TPRG1: variants seen among roughly 807,000 people sequenced by gnomAD.
TPRG1 encodes the protein tumor protein p63 regulated 1.
A neutral mutation model predicts 29.3 loss-of-function variants in TPRG1; 29 were observed. The observed-to-expected ratio is 0.99, with a 90% CI of 0.74 to 1.35. TPRG1 has a LOEUF of 1.35. Among genes scored for constraint, TPRG1 ranks in the 40% most tolerant of loss-of-function variants. The pLI, the probability that TPRG1 is intolerant of heterozygous loss-of-function variation, is 0.00. For synonymous variants in TPRG1, 130 were observed against 116.8 expected, an observed-to-expected ratio of 1.11 and a Z score of -0.73; for missense variants, 327 against 335.0, an observed-to-expected ratio of 0.98 and a Z score of 0.19.
intron 4 of TPRG1, among the ~76,000 whole-genome samples, chr3:189,303,693 T>C (rs911811826): frequency 2.0e-5 from 3 of 152,252 alleles, no homozygotes; most frequent in Admixed American, 1.3e-4. Context: ...GTGGTTTCTA[T>C]GTACCTGGCA....
At chr3:189,134,648 C>T (rs1723523824) in intron 3 of TPRG1, among the ~76,000 whole-genome samples, 1 of 152,020 alleles carries the variant, frequency 6.6e-6, no homozygotes, top group Non-Finnish European at 1.5e-5. Flanking sequence ...AACTTCTGGC[C>T]TCAAGCAATC....
intron 4 of TPRG1, among the ~76,000 whole-genome samples, chr3:189,277,289 A>G (rs1576933415): frequency 6.6e-6 from 1 of 152,166 alleles, no homozygotes; most frequent in Admixed American, 6.5e-5. Context: ...TAAAGGAGAC[A>G]CCTTAAACAC....
At chr3:189,288,317 A>G (rs1308863907) in intron 4 of TPRG1, among the ~76,000 whole-genome samples, 1 of 152,222 alleles carries the variant, frequency 6.6e-6, no homozygotes, top group Non-Finnish European at 1.5e-5. Context: ...TTTTTCTGCA[A>G]CGTGTAGTGA....
intron 4 of TPRG1, among the ~76,000 whole-genome samples, chr3:189,059,923 T>C (rs557214028): frequency 6.6e-6 from 1 of 152,226 alleles, no homozygotes; most frequent in South Asian, 2.1e-4. Context: ...TCAATAAAAT[T>C]CAACATTCCT....
intron 4 of TPRG1, among the ~76,000 whole-genome samples, chr3:189,029,937 C>A (rs964019260): frequency 1.3e-5 from 2 of 152,216 alleles, no homozygotes; most frequent in Non-Finnish European, 2.9e-5. Context: ...ATATCAGCAT[C>A]AGCATCATGC....
chr3:189,109,310 G>A (rs1288090262), intron 1 of TPRG1, among the ~76,000 whole-genome samples: 1 of 152,176 alleles, frequency 6.6e-6, no homozygotes, highest in Non-Finnish European at 1.5e-5. Context: ...CGTGTGGTGC[G>A]GTGTTAATTG....
At chr3:189,078,707 T>C (rs1324754253) in intron 4 of TPRG1, among the ~76,000 whole-genome samples, 1 of 152,222 alleles carries the variant, frequency 6.6e-6, no homozygotes, top group Admixed American at 6.5e-5. Flanking sequence ...TAGGAACCCA[T>C]GGCTCTGAAT....
intron 4 of TPRG1, among the ~76,000 whole-genome samples, chr3:189,049,273 A>T (rs1295829735): frequency 6.6e-6 from 1 of 152,156 alleles, no homozygotes; most frequent in Non-Finnish European, 1.5e-5. Context: ...CTCGCCCTCC[A>T]CCTGGAAACA....
intron 4 of TPRG1, among the ~76,000 whole-genome samples, chr3:189,308,098 A>AAT (rs1216103789): frequency 6.6e-6 from 1 of 152,232 alleles, no homozygotes; most frequent in African/African-American, 2.4e-5. Context: ...GAGGTCATGG[A>AAT]ATGTCTCGAT....
intron 4 of TPRG1, among the ~76,000 whole-genome samples, chr3:189,271,617 C>G (rs1715146115): frequency 6.6e-6 from 1 of 152,214 alleles, no homozygotes; most frequent in Admixed American, 6.5e-5. Flanking sequence ...AGAATTTACA[C>G]AAGAACTTCT....
intron 4 of TPRG1, among the ~76,000 whole-genome samples, chr3:189,259,485 T>C (rs954423683): frequency 1.6e-5 from 2 of 124,254 alleles, no homozygotes; most frequent in Non-Finnish European, 3.5e-5. Context: ...TTTTTTTTTT[T>C]ACGAAGTCTT....
At chr3:189,159,834 T>TTGTGTGTGTGTGTG (rs779237990) in intron 5 of TPRG1, among the ~76,000 whole-genome samples, 9 of 95,450 alleles carry the variant, frequency 9.4e-5, no homozygotes, top group South Asian at 5.3e-4. Flanking sequence ...CATGGAGTGT[T>TTGTGTGTGTGTGTG]TGTGTATGTG....
chr3:189,238,146 A>G (rs1209234012), intron 3 of TPRG1, among the ~76,000 whole-genome samples: 1 of 152,256 alleles, frequency 6.6e-6, no homozygotes, highest in Non-Finnish European at 1.5e-5. Flanking sequence ...ACTCTGGTTC[A>G]TAAAAATCTC....
chr3:189,303,538 T>C (rs1473524818), intron 4 of TPRG1, among the ~76,000 whole-genome samples: 18 of 149,072 alleles, frequency 1.2e-4, no homozygotes. Context: ...TTGAACCACA[T>C]TTTTTTTTGA....
chr3:189,106,858 A>G (rs888421815), intron 1 of TPRG1, among the ~76,000 whole-genome samples: 1 of 152,162 alleles, frequency 6.6e-6, no homozygotes, highest in African/African-American at 2.4e-5. Context: ...AAAGACTAAC[A>G]CAAATTCACA....
chr3:189,122,639 T>C (rs1721965025), intron 1 of TPRG1, among the ~76,000 whole-genome samples: 1 of 152,198 alleles, frequency 6.6e-6, no homozygotes, highest in Non-Finnish European at 1.5e-5. Context: ...CCTTTTATCG[T>C]TGTGAAACAA....
chr3:189,054,499 G>A (rs543142892), intron 4 of TPRG1, among the ~76,000 whole-genome samples: 4 of 151,776 alleles, frequency 2.6e-5, no homozygotes, highest in African/African-American at 7.2e-5. Context: ...TATTTTTGGC[G>A]TGCCACAAAC....
intron 1 of TPRG1, among the ~76,000 whole-genome samples, chr3:189,186,711 A>G (rs560340406): frequency 2.0e-5 from 3 of 152,036 alleles, no homozygotes; most frequent in Non-Finnish European, 4.4e-5. Context: ...ATTAGAGAGA[A>G]AATTGAGATG....
At chr3:189,052,591 GT>G (rs1715395473) in intron 4 of TPRG1, among the ~76,000 whole-genome samples, 1 of 152,148 alleles carries the variant, frequency 6.6e-6, no homozygotes, top group African/African-American at 2.4e-5. Context: ...CCACTACTGG[GT>G]ATCTACCAGA....
Sources: gnomAD v4.1 joint callset for allele counts (sites outside exome capture counted in the v4.1 genomes callset) on GRCh38, gnomAD v4.1.1 for gene constraint, MANE v1.5 for transcripts, NCBI Gene and HGNC (gene_info 2026-07-23, HGNC 2026-07-21) for gene names.